Variants in NRXN1 observed in about 807,000 individuals in gnomAD.
NRXN1 encodes neurexin 1.
Under a neutral mutation model 150.9 loss-of-function variants are expected in NRXN1, and 39 were observed. The ratio of observed to expected loss-of-function variants is 0.26; its 90% CI spans 0.20 to 0.34. The LOEUF (loss-of-function observed/expected upper bound fraction) is 0.34, where lower values mean the gene tolerates loss of function less well. Ranked by LOEUF, NRXN1 falls within the 10% of genes least tolerant of loss-of-function variation. NRXN1 has a pLI of 1.00. For synonymous variants in NRXN1, 924 were observed against 757.0 expected, an observed-to-expected ratio of 1.22 and a Z score of -3.62; for missense variants, 1,815 against 1,949.9, an observed-to-expected ratio of 0.93 and a Z score of 1.30.
intron 17 of NRXN1, among the ~76,000 whole-genome samples, chr2:50,239,703 T>C (rs576103371): frequency 9.4e-6 from 1 of 106,292 alleles, no homozygotes; most frequent in Admixed American, 8.9e-5. Context: ...TATATATATA[T>C]ATATATATAT....
At chr2:50,663,960 T>C (rs1687656747) in intron 5 of NRXN1, among the ~76,000 whole-genome samples, 1 of 152,030 alleles carries the variant, frequency 6.6e-6, no homozygotes, top group Admixed American at 6.6e-5. Flanking sequence ...TGAATCTCAA[T>C]GGCACCATCT....
chr2:50,917,683 G>A (rs1333998799), intron 5 of NRXN1: 3 of 151,588 alleles, frequency 2.0e-5, no homozygotes, highest in African/African-American at 4.8e-5. Context: ...CAAAGAGAAG[G>A]TAGTGATCTA....
intron 18 of NRXN1, among the ~76,000 whole-genome samples, chr2:50,203,282 CT>C (rs2062318743): frequency 1.3e-5 from 2 of 152,122 alleles, no homozygotes; most frequent in African/African-American, 4.8e-5. Context: ...ATTGGTCTAA[CT>C]TTTTCTTAAC....
rs572758147 is a variant in NRXN1, at chr2:50,829,999, G to GAAAAAAA, written c.832+91863_832+91869dup. On this transcript the variant is annotated intron_variant, in intron 5 of 22. Transcript: ENST00000401669. ...GGAACCCAAAGAATACTGCCTGCTG[G>GAAAAAAA]AAAAAAAAAAAAAAAAAAAAAAAAA... Among the ~76,000 whole-genome samples, 547 of 58,150 alleles carry GAAAAAAA rather than the reference G, an allele frequency of 9.4e-3. 116 individuals carry two copies. The highest frequency in any genetic ancestry group is 0.053 in the African/African-American group (500 of 9,514). The allele number at this position is 58,150 out of a possible 152,430, so 38.1% of individuals were successfully genotyped here.
intron 2 of NRXN1, among the ~76,000 whole-genome samples, chr2:51,014,139 G>C (rs1351022655): frequency 6.6e-6 from 1 of 152,078 alleles, no homozygotes; most frequent in Admixed American, 6.6e-5. Flanking sequence ...CACTGAAAGT[G>C]CAGTGATGCT....
At chr2:50,445,349 A>C (rs930969461) in intron 17 of NRXN1, among the ~76,000 whole-genome samples, 2 of 152,212 alleles carry the variant, frequency 1.3e-5, no homozygotes, top group African/African-American at 4.8e-5. Context: ...CTCTCAGTGC[A>C]TATACCTAAC....
At chr2:50,049,248 A>C (rs1351174545) in intron 21 of NRXN1, among the ~76,000 whole-genome samples, 1 of 152,180 alleles carries the variant, frequency 6.6e-6, no homozygotes, top group Non-Finnish European at 1.5e-5. Flanking sequence ...ACTGGGCTGC[A>C]TGGCCACATG....
chr2:50,924,177 CT>C (rs1006677414), intron 3 of NRXN1, among the ~76,000 whole-genome samples: 1 of 151,668 alleles, frequency 6.6e-6, no homozygotes, highest in Admixed American at 6.6e-5. Flanking sequence ...GAAGATCTAC[CT>C]TTTAGAAAAT....
chr2:50,789,777 G>C (rs1219369651), intron 5 of NRXN1, among the ~76,000 whole-genome samples: 1 of 152,130 alleles, frequency 6.6e-6, no homozygotes, highest in African/African-American at 2.4e-5. Flanking sequence ...GCATTCACTT[G>C]AGATACTCAA....
intron 17 of NRXN1, among the ~76,000 whole-genome samples, chr2:50,359,475 T>C (rs577533216): frequency 1.3e-5 from 2 of 151,314 alleles, no homozygotes; most frequent in African/African-American, 2.4e-5. Flanking sequence ...CAAGTATCAA[T>C]AGCCGAACTA....
chr2:50,454,691 C>A (rs1362998602), intron 17 of NRXN1, among the ~76,000 whole-genome samples: 1 of 151,506 alleles, frequency 6.6e-6, no homozygotes, highest in Non-Finnish European at 1.5e-5. Context: ...CACACACACA[C>A]ACACACACAC....
At position 50,974,931 on chromosome 2, in the gene NRXN1, C is replaced by A. The variant is rs149886216; in HGVS notation, c.773-48976G>T. ...CCTTCCATTGTATTTCATTTCATTT[C>A]ATTCCACTCCATAAATGCCAACCAT... On this transcript the variant is annotated intron_variant, in intron 2 of 22. Coordinates refer to ENST00000401669, the MANE Select transcript of NRXN1 (RefSeq NM_001330078.2). 3.4e-3 allele frequency among the ~76,000 whole-genome samples: 512 copies of A among 152,114 alleles called. 3 individuals are homozygous for A. Among genetic ancestry groups the A allele is most frequent in the African/African-American group, 0.011 (470 of 41,516 alleles).
chr2:50,486,272 T>C (rs13423870), intron 15 of NRXN1, among the ~76,000 whole-genome samples: 8,449 of 152,166 alleles, frequency 0.056, 821 homozygotes, highest in African/African-American at 0.19. Flanking sequence ...ACGAGGATGA[T>C]GGTGACAATA....
At position 50,347,101 on chromosome 2, in the gene NRXN1, A is replaced by C. The variant is rs193267438; in HGVS notation, c.3365-110131T>G. 2.6e-3 allele frequency: 3,556 copies of C among 1,385,936 alleles called. 10 individuals are homozygous for C. Among genetic ancestry groups the C allele is most frequent in the Non-Finnish European group, 2.9e-3 (3,035 of 1,053,528 alleles). 85.9% of individuals were successfully genotyped at this position (1,385,936 alleles called of 1,614,324 possible). Reference sequence around the variant, plus strand: ...CACCCATCCTCTCCCTCCTTCGGACAGTCTTCTCGGGGTCCTGGAGTCCGC... The same window carrying C: ...CACCCATCCTCTCCCTCCTTCGGACCGTCTTCTCGGGGTCCTGGAGTCCGC... On this transcript the variant is annotated intron_variant, in intron 17 of 22. Coordinates refer to ENST00000401669, the MANE Select transcript of NRXN1 (RefSeq NM_001330078.2). The surrounding 1 kb of genome is among the most constrained non-coding windows in gnomAD (Gnocchi z 4.9).
At chr2:50,234,518 C>G (rs2065242670) in intron 18 of NRXN1, among the ~76,000 whole-genome samples, 1 of 152,024 alleles carries the variant, frequency 6.6e-6, no homozygotes, top group East Asian at 1.9e-4. Flanking sequence ...ACAACAACAA[C>G]ATGGAAAGAA....
intron 17 of NRXN1, among the ~76,000 whole-genome samples, chr2:50,410,234 C>A (rs1234424413): frequency 1.3e-5 from 2 of 151,992 alleles, no homozygotes; most frequent in Non-Finnish European, 2.9e-5. Context: ...CTCTTTTTTG[C>A]CAACACTTAA....
At chr2:50,436,127 G>A (rs1027489537) in intron 17 of NRXN1, among the ~76,000 whole-genome samples, 1 of 152,114 alleles carries the variant, frequency 6.6e-6, no homozygotes, top group Non-Finnish European at 1.5e-5. Context: ...TGTTCTTCCT[G>A]GTAACCAGCT....
intron 21 of NRXN1, among the ~76,000 whole-genome samples, chr2:50,039,506 G>C (rs916942128): frequency 6.6e-6 from 1 of 152,118 alleles, no homozygotes; most frequent in Non-Finnish European, 1.5e-5. Flanking sequence ...TGTGCAAAGA[G>C]AGGTAAGGCT....
At chr2:50,238,479 G>A (rs1361082564) in intron 17 of NRXN1, among the ~76,000 whole-genome samples, 1 of 151,938 alleles carries the variant, frequency 6.6e-6, no homozygotes, top group African/African-American at 2.4e-5. Flanking sequence ...CATAATAAGA[G>A]AAAATATGAA....
Sources: allele counts gnomAD v4.1 joint callset (sites outside exome capture counted in the v4.1 genomes callset), GRCh38; gene constraint gnomAD v4.1.1; non-coding constraint Gnocchi (gnomAD v3.1); transcripts MANE v1.5; gene names NCBI Gene and HGNC (gene_info 2026-07-23, HGNC 2026-07-21).